GPC5: variants seen among roughly 807,000 people sequenced by gnomAD.
The protein encoded by GPC5 is glypican 5.
Under a neutral mutation model 53.9 loss-of-function variants are expected in GPC5, and 47 were observed. That is an observed-to-expected ratio of 0.87 (90% confidence interval 0.69 to 1.11). GPC5 has a LOEUF of 1.11. GPC5 is among the 50% of genes most tolerant of loss of function. The pLI, the probability that GPC5 is intolerant of heterozygous loss-of-function variation, is 0.00. For missense variants in GPC5, 748 were observed against 713.1 expected (o/e 1.05, Z -0.56); for synonymous variants, 286 against 263.3 (o/e 1.09, Z -0.84).
intron 1 of GPC5, among the ~76,000 whole-genome samples, chr13:91,415,483 G>C (rs1458503543): frequency 6.6e-6 from 1 of 152,064 alleles, no homozygotes; most frequent in Admixed American, 6.6e-5. Context: ...ACATAGACCT[G>C]GTGTTTCACT....
intron 7 of GPC5, among the ~76,000 whole-genome samples, chr13:92,473,305 G>A (rs1220320208): frequency 6.6e-6 from 1 of 152,050 alleles, no homozygotes; most frequent in Admixed American, 6.6e-5. Flanking sequence ...CAGGAGTTAT[G>A]GGTTGCAATG....
rs769289045 is a variant in GPC5 at position 92,144,950 on chromosome 13, G to T, written c.1522G>T (p.Gly508Ter). 6.4e-7 allele frequency: 1 copy of T among 1,573,690 alleles called. No individual in the cohort carries two copies. Among genetic ancestry groups the T allele is most frequent in the Non-Finnish European group, 8.6e-7 (1 of 1,163,514 alleles). ...TGATGAAGATGGTTGCGGGGGATCA[G>T]GAAGTGGAGAAGTCAAGAGGACACT... ...CDDEDGCGGS[G>*]SGEVKRTLKI... The change falls in exon 7 of 8, where the codon GGA (glycine) becomes TGA (stop). Residue 508 changes from glycine (G) to a stop codon, truncating the protein, a stop_gained. Transcript: ENST00000377067. LOFTEE classifies it low-confidence loss of function (END_TRUNC).
chr13:92,029,771 T>C (rs2040827095), intron 6 of GPC5, among the ~76,000 whole-genome samples: 1 of 152,236 alleles, frequency 6.6e-6, no homozygotes, highest in Admixed American at 6.5e-5. Context: ...TTCTGTTTTC[T>C]TGGATGGATC....
intron 2 of GPC5, among the ~76,000 whole-genome samples, chr13:91,646,856 A>C (rs1324728418): frequency 6.6e-6 from 1 of 152,192 alleles, no homozygotes; most frequent in East Asian, 1.9e-4. Flanking sequence ...GTCACAGAGC[A>C]TGGGTGGATG....
intron 3 of GPC5, among the ~76,000 whole-genome samples, chr13:91,699,916 T>A (rs1169408023): frequency 6.6e-6 from 1 of 152,214 alleles, no homozygotes; most frequent in African/African-American, 2.4e-5. Context: ...TTTCTATTTT[T>A]AATATGAAGG....
intron 5 of GPC5, among the ~76,000 whole-genome samples, chr13:91,814,777 G>T (rs2038374567): frequency 6.6e-6 from 1 of 152,054 alleles, no homozygotes; most frequent in Non-Finnish European, 1.5e-5. Context: ...CTGACTTCAG[G>T]TGATCCGCCC....
chr13:91,730,949 C>T (rs1037255187), intron 4 of GPC5, among the ~76,000 whole-genome samples: 2 of 152,144 alleles, frequency 1.3e-5, no homozygotes, highest in African/African-American at 2.4e-5. Flanking sequence ...GTACTTTCCA[C>T]CACAGAGGCA....
intron 7 of GPC5, among the ~76,000 whole-genome samples, chr13:92,763,582 G>A (rs1227364468): frequency 6.6e-6 from 1 of 152,148 alleles, no homozygotes; most frequent in African/African-American, 2.4e-5. Context: ...GGGCTCCAGA[G>A]CACAGGTACT....
intron 2 of GPC5, among the ~76,000 whole-genome samples, chr13:91,677,686 T>A (rs942783837): frequency 1.3e-5 from 2 of 152,194 alleles, no homozygotes; most frequent in South Asian, 4.1e-4. Context: ...AAAGACACCA[T>A]TTTTTGAATT....
intron 2 of GPC5, chr13:91,486,145 T>G (rs1162331603): frequency 1.3e-5 from 2 of 152,232 alleles, no homozygotes; most frequent in African/African-American, 4.8e-5. Flanking sequence ...TAATGTTCAG[T>G]TTCCTATCTT....
At chr13:92,092,791 A>T (rs534855707) in intron 6 of GPC5, among the ~76,000 whole-genome samples, 1 of 152,346 alleles carries the variant, frequency 6.6e-6, no homozygotes, top group Non-Finnish European at 1.5e-5. Context: ...ATACAAATGT[A>T]AAATGAATAT....
intron 7 of GPC5, among the ~76,000 whole-genome samples, chr13:92,520,297 G>C (rs1034097352): frequency 3.9e-5 from 6 of 152,150 alleles, no homozygotes; most frequent in African/African-American, 1.4e-4. Flanking sequence ...GCATCATCCT[G>C]ATACCAAAGC....
chr13:91,448,732 A>C, intron 1 of GPC5, 29 bp from the exon 2 acceptor site: 1 of 1,606,330 alleles, frequency 6.2e-7, no homozygotes, highest in Admixed American at 1.7e-5. Context: ...TGAACAGGTA[A>C]TCATTCTGAA....
At chr13:92,167,774 C>G (rs1343817321) in intron 7 of GPC5, among the ~76,000 whole-genome samples, 2 of 151,960 alleles carry the variant, frequency 1.3e-5, no homozygotes, top group East Asian at 3.9e-4. Flanking sequence ...GAATGCAAGC[C>G]TTTCAGAAAA....
intron 7 of GPC5, among the ~76,000 whole-genome samples, chr13:92,318,677 A>G (rs1433050367): frequency 6.6e-6 from 1 of 152,188 alleles, no homozygotes; most frequent in African/African-American, 2.4e-5. Context: ...ATTCCATACC[A>G]TCTTAATAAG....
At chr13:92,196,157 C>T (rs1023507431) in intron 7 of GPC5, among the ~76,000 whole-genome samples, 2 of 151,874 alleles carry the variant, frequency 1.3e-5, no homozygotes, top group South Asian at 4.2e-4. Flanking sequence ...GATGTATCCC[C>T]TTGAAAAAAA....
intron 7 of GPC5, among the ~76,000 whole-genome samples, chr13:92,401,914 C>T (rs1055735547): frequency 1.3e-5 from 2 of 152,082 alleles, no homozygotes; most frequent in Admixed American, 6.5e-5. Context: ...TGACATCTTG[C>T]TTAGTTTACA....
At chr13:91,482,340 C>T (rs1286196732) in intron 2 of GPC5, among the ~76,000 whole-genome samples, 2 of 152,112 alleles carry the variant, frequency 1.3e-5, no homozygotes, top group African/African-American at 2.4e-5. Flanking sequence ...TTTCCGGGCA[C>T]CAACCTACCA....
chr13:92,592,904 T>A (rs1205431381), intron 7 of GPC5, among the ~76,000 whole-genome samples: 1 of 150,904 alleles, frequency 6.6e-6, no homozygotes, highest in Non-Finnish European at 1.5e-5. Flanking sequence ...TGCGTGCCCC[T>A]AGCTTTCTGT....
Sources: gnomAD v4.1 joint callset for allele counts (sites outside exome capture counted in the v4.1 genomes callset) on GRCh38, gnomAD v4.1.1 for gene constraint, MANE v1.5 for transcripts, NCBI Gene and HGNC (gene_info 2026-07-23, HGNC 2026-07-21) for gene names.